The following GRID2 variants were observed in gnomAD, a reference collection of about 807,000 sequenced individuals.
GRID2 encodes the protein glutamate receptor ionotropic, delta-2.
In GRID2, 33 loss-of-function variants were observed where a neutral mutation model predicts 114.8. The ratio of observed to expected loss-of-function variants is 0.29; its 90% CI spans 0.22 to 0.38. The LOEUF (loss-of-function observed/expected upper bound fraction) is 0.38, where lower values mean the gene tolerates loss of function less well. Among genes scored for constraint, GRID2 ranks in the 10% least tolerant of loss-of-function variants. The pLI is 1.00. For missense variants in GRID2, 1,184 were observed against 1,257.7 expected, an observed-to-expected ratio of 0.94 and a Z score of 0.89; for synonymous variants, 505 against 449.9, an observed-to-expected ratio of 1.12 and a Z score of -1.55.
intron 2 of GRID2, among the ~76,000 whole-genome samples, chr4:92,961,233 T>C (rs962739722): frequency 6.6e-6 from 1 of 151,842 alleles, no homozygotes; most frequent in Non-Finnish European, 1.5e-5. Flanking sequence ...AAGAAAAAGG[T>C]ATTTATTTTA....
chr4:92,576,851 G>A (rs977974632), intron 1 of GRID2, among the ~76,000 whole-genome samples: 4 of 152,114 alleles, frequency 2.6e-5, no homozygotes, highest in African/African-American at 9.7e-5. Context: ...GCCCCACCCT[G>A]CTTTTTTTCA....
At chr4:93,435,567 T>A (rs1419453723) in intron 10 of GRID2, among the ~76,000 whole-genome samples, 1 of 152,158 alleles carries the variant, frequency 6.6e-6, no homozygotes, top group African/African-American at 2.4e-5. Flanking sequence ...AACTACTATT[T>A]TAGAAATCAG....
chr4:92,754,419 T>C (rs1300689314), intron 2 of GRID2, among the ~76,000 whole-genome samples: 1 of 151,638 alleles, frequency 6.6e-6, no homozygotes, highest in Non-Finnish European at 1.5e-5. Flanking sequence ...TCCAAGAGAG[T>C]GTGAGGAGCC....
chr4:93,099,322 GTTTATA>G (rs145663805), intron 3 of GRID2, among the ~76,000 whole-genome samples: 147 of 151,752 alleles, frequency 9.7e-4, no homozygotes, highest in Non-Finnish European at 1.8e-3. Flanking sequence ...TGAAAGTTTA[GTTTATA>G]TTTATTTGTT....
chr4:92,670,291 A>G (rs1260396866), intron 2 of GRID2, among the ~76,000 whole-genome samples: 1 of 152,054 alleles, frequency 6.6e-6, no homozygotes, highest in Non-Finnish European at 1.5e-5. Flanking sequence ...GTCATTAGGT[A>G]GCATTTAGCA....
intron 13 of GRID2, among the ~76,000 whole-genome samples, chr4:93,625,909 C>T (rs1578427783): frequency 1.4e-5 from 2 of 147,434 alleles, no homozygotes; most frequent in Admixed American, 6.7e-5. Context: ...AGCAAGACTC[C>T]GTCTCAGAAA....
At chr4:93,060,978 C>T (rs886481764) in intron 2 of GRID2, among the ~76,000 whole-genome samples, 5 of 151,946 alleles carry the variant, frequency 3.3e-5, no homozygotes, top group Non-Finnish European at 7.4e-5. Context: ...TGGCATGTGC[C>T]TGTAATCCCA....
At chr4:92,881,890 A>G (rs1180828505) in intron 2 of GRID2, among the ~76,000 whole-genome samples, 2 of 152,196 alleles carry the variant, frequency 1.3e-5, no homozygotes, top group Admixed American at 6.5e-5. Flanking sequence ...ACTTTTAAAC[A>G]TATTGTTTTA....
At chr4:93,400,114 A>C (rs557801589) in intron 9 of GRID2, among the ~76,000 whole-genome samples, 3 of 152,236 alleles carry the variant, frequency 2.0e-5, no homozygotes, top group Non-Finnish European at 4.4e-5. Context: ...TGGTTCCACA[A>C]ACCATGTCCT....
At chr4:93,712,950 T>C (rs1428111566) in intron 14 of GRID2, among the ~76,000 whole-genome samples, 2 of 152,176 alleles carry the variant, frequency 1.3e-5, no homozygotes, top group East Asian at 3.9e-4. Flanking sequence ...CAGTAAGACA[T>C]GTAAAATCTG....
intron 2 of GRID2, among the ~76,000 whole-genome samples, chr4:93,008,901 TTCATAGGC>T (rs1323286265): frequency 6.6e-6 from 1 of 152,148 alleles, no homozygotes; most frequent in African/African-American, 2.4e-5. Context: ...TGTAAAGTGG[TTCATAGGC>T]CTTTGTTAAT....
chr4:92,842,857 C>A (rs1743009775), intron 2 of GRID2, among the ~76,000 whole-genome samples: 1 of 152,144 alleles, frequency 6.6e-6, no homozygotes, highest in East Asian at 1.9e-4. Context: ...AGATATCAAA[C>A]ATCAGGTGTG....
intron 10 of GRID2, among the ~76,000 whole-genome samples, chr4:93,442,794 A>G (rs1286792274): frequency 1.3e-5 from 2 of 152,126 alleles, no homozygotes; most frequent in Middle Eastern, 3.4e-3. Flanking sequence ...ACAGGCTTTT[A>G]TTCCTCACAA....
At chr4:93,624,242 G>A (rs931892043) in intron 13 of GRID2, among the ~76,000 whole-genome samples, 1 of 151,748 alleles carries the variant, frequency 6.6e-6, no homozygotes, top group African/African-American at 2.4e-5. Context: ...ACTTGATTCT[G>A]GTGGGCTTCT....
intron 2 of GRID2, among the ~76,000 whole-genome samples, chr4:92,850,509 T>C (rs1032642466): frequency 6.6e-6 from 1 of 151,916 alleles, no homozygotes; most frequent in African/African-American, 2.4e-5. Flanking sequence ...GCAGTGTTCA[T>C]ACATAAACTT....
rs532264722 is a variant in GRID2, at chr4:92,498,577, T to C, written c.89-91554T>C. 4.6e-5 allele frequency among the ~76,000 whole-genome samples: 7 copies of C among 152,036 alleles called. No homozygotes were observed. In the South Asian group the frequency reaches 8.3e-4, roughly 18 times the overall value. On this transcript the variant is annotated intron_variant, in intron 1 of 15. Transcript: ENST00000282020. ...TGATTATTTTTAAAGTTTTGCTCAATTGGATTCAATTGATTTAAAAAATTA... is the reference window on the plus strand; with the variant it reads ...TGATTATTTTTAAAGTTTTGCTCAACTGGATTCAATTGATTTAAAAAATTA...
At chr4:93,042,657 TTCTA>T (rs1725685926) in intron 2 of GRID2, among the ~76,000 whole-genome samples, 1 of 144,098 alleles carries the variant, frequency 6.9e-6, no homozygotes, top group South Asian at 2.2e-4. Flanking sequence ...ATCTCTATAT[TTCTA>T]TCTCTCTCTC....
chr4:93,585,244 C>T (rs1737409680), intron 13 of GRID2, among the ~76,000 whole-genome samples: 1 of 152,010 alleles, frequency 6.6e-6, no homozygotes. Flanking sequence ...CAAAGAAATC[C>T]CTCAGGATCT....
At chr4:92,390,804 A>C (rs140637640) in intron 1 of GRID2, among the ~76,000 whole-genome samples, 1 of 152,210 alleles carries the variant, frequency 6.6e-6, no homozygotes, top group African/African-American at 2.4e-5. Context: ...TTATTATCTT[A>C]TGGTATAATA....
Sources: gnomAD v4.1 joint callset for allele counts (sites outside exome capture counted in the v4.1 genomes callset) on GRCh38, gnomAD v4.1.1 for gene constraint, MANE v1.5 for transcripts, NCBI Gene and HGNC (gene_info 2026-07-23, HGNC 2026-07-21) for gene names.